The following LRRC4C variants were observed in gnomAD, a reference collection of about 807,000 sequenced individuals.
LRRC4C encodes the protein leucine-rich repeat-containing protein 4C.
In LRRC4C, 5 loss-of-function variants were observed where a neutral mutation model predicts 33.6. The observed-to-expected ratio is 0.15, with a 90% CI of 0.08 to 0.31. The LOEUF is 0.31. LRRC4C is among the 10% of genes least tolerant of loss of function. LRRC4C has a pLI of 1.00. For synonymous variants in LRRC4C, 329 were observed against 302.0 expected (o/e 1.09, Z -0.93); for missense variants, 560 against 796.7 (o/e 0.70, Z 3.58).
intron 1 of LRRC4C, among the ~76,000 whole-genome samples, chr11:41,257,862 T>A (rs1017366602): frequency 6.6e-6 from 1 of 152,090 alleles, no homozygotes; most frequent in African/African-American, 2.4e-5. Flanking sequence ...CAATCCTTCA[T>A]ATGAAATTAG....
chr11:40,755,605 T>C (rs1310575967), intron 2 of LRRC4C, among the ~76,000 whole-genome samples: 1 of 152,048 alleles, frequency 6.6e-6, no homozygotes, highest in Admixed American at 6.6e-5. Flanking sequence ...TAAGTTGTCA[T>C]AGATGCAGGG....
Position 40,987,655 on chromosome 11 carries a change from CA to C in LRRC4C, c.-495-53933del, listed in dbSNP as rs1328849245. 3.1e-3 allele frequency among the ~76,000 whole-genome samples: 65 copies of C among 20,798 alleles called. 1 individual carries two copies. The highest frequency in any genetic ancestry group is 5.9e-3 in the Non-Finnish European group (61 of 10,308). The allele number at this position is 20,798 out of a possible 152,430, so 13.6% of individuals were successfully genotyped here. A position where few individuals can be genotyped will look rare whatever the true frequency, so the allele number is the denominator to read the frequency against. On this transcript the variant is annotated intron_variant, in intron 1 of 6. Transcript: ENST00000528697. ...GATATATATATATATATATATATCT[CA>C]TATATATGAGATATAAATGATATAT...
chr11:41,358,703 T>C (rs571281115), intron 1 of LRRC4C, among the ~76,000 whole-genome samples: 1 of 152,224 alleles, frequency 6.6e-6, no homozygotes, highest in Admixed American at 6.5e-5. Context: ...CTTATTAGAA[T>C]GGCCCAAATC....
chr11:40,430,270 G>A (rs888905209), intron 3 of LRRC4C, among the ~76,000 whole-genome samples: 2 of 149,762 alleles, frequency 1.3e-5, no homozygotes. Context: ...TATGGGGGGG[G>A]TTGCTCTAGG....
chr11:40,397,262 C>G (rs76077304), intron 3 of LRRC4C, among the ~76,000 whole-genome samples: 1 of 151,732 alleles, frequency 6.6e-6, no homozygotes, highest in East Asian at 1.9e-4. Context: ...AATGTTTTGA[C>G]GAAGTAGAGA....
intron 1 of LRRC4C, among the ~76,000 whole-genome samples, chr11:41,002,082 TAA>T (rs1358855693): frequency 2.0e-5 from 3 of 152,304 alleles, no homozygotes; most frequent in African/African-American, 7.2e-5. Context: ...AGATTTACCT[TAA>T]TTCTTCTTCG....
intron 1 of LRRC4C, among the ~76,000 whole-genome samples, chr11:41,418,373 T>A (rs1954762223): frequency 1.3e-5 from 2 of 152,016 alleles, no homozygotes; most frequent in South Asian, 4.1e-4. Flanking sequence ...AAGTATTGCC[T>A]CTGGTATGGT....
chr11:40,514,661 G>A (rs1379938059), intron 3 of LRRC4C, among the ~76,000 whole-genome samples: 2 of 151,452 alleles, frequency 1.3e-5, no homozygotes, highest in African/African-American at 4.9e-5. Context: ...TCCATCTATT[G>A]TCTTCTTTGC....
chr11:40,776,334 G>T (rs1446288785), intron 2 of LRRC4C, among the ~76,000 whole-genome samples: 1 of 151,100 alleles, frequency 6.6e-6, no homozygotes, highest in African/African-American at 2.4e-5. Context: ...ATGTCTTATA[G>T]AATTCAGCTG....
At chr11:40,726,043 G>A (rs1239375524) in intron 2 of LRRC4C, among the ~76,000 whole-genome samples, 2 of 151,912 alleles carry the variant, frequency 1.3e-5, no homozygotes, top group African/African-American at 4.8e-5. Flanking sequence ...AAAATATAGA[G>A]GAAATGGATA....
chr11:40,428,022 G>T (rs1950780759), intron 3 of LRRC4C, among the ~76,000 whole-genome samples: 2 of 152,012 alleles, frequency 1.3e-5, no homozygotes, highest in African/African-American at 2.4e-5. Context: ...GTTTTATAAG[G>T]CATTCTGAAT....
intron 5 of LRRC4C, among the ~76,000 whole-genome samples, chr11:40,205,270 G>T (rs1863061162): frequency 6.6e-6 from 1 of 152,116 alleles, no homozygotes; most frequent in Non-Finnish European, 1.5e-5. Flanking sequence ...GATAATTCAG[G>T]ATATAACCCA....
chr11:41,105,403 C>T (rs974641870), intron 1 of LRRC4C, among the ~76,000 whole-genome samples: 1 of 152,004 alleles, frequency 6.6e-6, no homozygotes, highest in Non-Finnish European at 1.5e-5. Flanking sequence ...CGCACATAAT[C>T]TATTATATTA....
chr11:41,393,868 A>G (rs1303263442), intron 1 of LRRC4C, among the ~76,000 whole-genome samples: 1 of 151,998 alleles, frequency 6.6e-6, no homozygotes, highest in African/African-American at 2.4e-5. Context: ...AGTGAATTCC[A>G]TAACATCCAT....
chr11:40,133,583 A>C (rs1856790116), intron 6 of LRRC4C, among the ~76,000 whole-genome samples: 1 of 152,202 alleles, frequency 6.6e-6, no homozygotes, highest in Non-Finnish European at 1.5e-5. Flanking sequence ...TATACCTACC[A>C]GGGAACTCCA....
At chr11:40,373,936 C>T (rs1355958072) in intron 3 of LRRC4C, among the ~76,000 whole-genome samples, 4 of 152,252 alleles carry the variant, frequency 2.6e-5, no homozygotes, top group South Asian at 2.1e-4. Context: ...ATAAAATATC[C>T]AACCTCAGAT....
chr11:40,428,577 T>C (rs1950800851), intron 3 of LRRC4C, among the ~76,000 whole-genome samples: 1 of 152,204 alleles, frequency 6.6e-6, no homozygotes, highest in Non-Finnish European at 1.5e-5. Flanking sequence ...TTTATATCTC[T>C]CGCTTGTAGA....
intron 3 of LRRC4C, chr11:40,445,820 T>G (rs1436610655): frequency 1.3e-5 from 2 of 152,230 alleles, no homozygotes; most frequent in African/African-American, 4.8e-5. Context: ...CTTTTCCATA[T>G]TCACTAGATT....
chr11:40,145,264 G>T (rs1237166346), intron 5 of LRRC4C, among the ~76,000 whole-genome samples: 1 of 152,028 alleles, frequency 6.6e-6, no homozygotes, highest in African/African-American at 2.4e-5. Flanking sequence ...TCATCAAATT[G>T]TCACCTCCTA....
Sources: allele counts gnomAD v4.1 joint callset (sites outside exome capture counted in the v4.1 genomes callset), GRCh38; gene constraint gnomAD v4.1.1; transcripts MANE v1.5; gene names NCBI Gene and HGNC (gene_info 2026-07-23, HGNC 2026-07-21).